The following PRRC2C variants were observed in gnomAD, a reference collection of about 807,000 sequenced individuals.
The protein encoded by PRRC2C is proline rich coiled-coil 2C.
PRRC2C carries 72 observed loss-of-function variants against 317.2 expected under a neutral mutation model. The ratio of observed to expected loss-of-function variants is 0.23; its 90% CI spans 0.19 to 0.28. The LOEUF (loss-of-function observed/expected upper bound fraction) is 0.28, where lower values mean the gene tolerates loss of function less well. Among genes scored for constraint, PRRC2C ranks in the 10% least tolerant of loss-of-function variants. The pLI, the probability that PRRC2C is intolerant of heterozygous loss-of-function variation, is 1.00. For missense variants in PRRC2C, 3,074 were observed against 3,459.7 expected, an observed-to-expected ratio of 0.89 and a Z score of 2.80; for synonymous variants, 1,296 against 1,205.9, an observed-to-expected ratio of 1.07 and a Z score of -1.55.
At chr1:171,497,168 A>C (rs1417609823) in intron 1 of PRRC2C, among the ~76,000 whole-genome samples, 2 of 152,162 alleles carry the variant, frequency 1.3e-5, no homozygotes, top group South Asian at 4.1e-4. Context: ...CTATATTGTA[A>C]TGCAGTATGT....
intron 1 of PRRC2C, chr1:171,511,811 A>G (rs1455765633): frequency 8.9e-6 from 2 of 225,832 alleles, no homozygotes; most frequent in African/African-American, 2.3e-5. Context: ...CTTATTCTCT[A>G]TGATAGAGTT....
chr1:171,545,617 C>T lies in PRRC2C; in HGVS notation c.4902C>T (p.Pro1634=), dbSNP rs781550160. 5.6e-6 allele frequency: 9 copies of T among 1,612,794 alleles called. No homozygotes were observed. Among genetic ancestry groups the T allele is most frequent in the Middle Eastern group, 1.7e-4 (1 of 6,054 alleles). The part of the protein sequence containing the change: ...KDSTGKKRED[P]KPGPKKPKEK... The stretch of plus-strand genomic sequence containing the variant: ...CTACTGGGAAAAAAAGAGAAGACCC[C>T]AAACCAGGCCCTAAAAAACCAAAAG... Residue 1634 remains proline (P), a synonymous_variant, in exon 17 of 35, where the codon CCC becomes CCT. Coordinates refer to ENST00000647382, the MANE Select transcript of PRRC2C (RefSeq NM_001387844.1).
intron 15 of PRRC2C, among the ~76,000 whole-genome samples, chr1:171,539,205 T>C (rs1557948368): frequency 6.6e-6 from 1 of 152,160 alleles, no homozygotes; most frequent in Non-Finnish European, 1.5e-5. Context: ...TTCTCCATGT[T>C]GGTCAGGCTG....
intron 18 of PRRC2C, among the ~76,000 whole-genome samples, chr1:171,556,201 A>T: frequency 6.6e-6 from 1 of 152,240 alleles, no homozygotes; most frequent in East Asian, 1.9e-4. Flanking sequence ...AGCAGTGAGC[A>T]AGGCTCTATG....
chr1:171,561,258 G>A lies in PRRC2C; in HGVS notation c.6117+155G>A, dbSNP rs148755472. On this transcript the variant is annotated intron_variant, in intron 20 of 34. Coordinates refer to ENST00000647382, the MANE Select transcript of PRRC2C (RefSeq NM_001387844.1). The stretch of plus-strand genomic sequence containing the variant: ...CAGCCTGGGCAACATAGTGAGACCC[G>A]CCTGGGCAATGTAGGAAGACCCTGT... 2.2e-3 allele frequency among the ~76,000 whole-genome samples: 337 copies of A among 152,096 alleles called. 1 individual carries two copies. The highest frequency in any genetic ancestry group is 7.9e-3 in the African/African-American group (326 of 41,474).
At chr1:171,555,335 A>G (rs1681172102) in intron 18 of PRRC2C, among the ~76,000 whole-genome samples, 3 of 152,064 alleles carry the variant, frequency 2.0e-5, no homozygotes, top group Admixed American at 6.5e-5. Context: ...GGTCTTTTCT[A>G]CACTGTTTAT....
intron 3 of PRRC2C, among the ~76,000 whole-genome samples, chr1:171,514,118 G>A (rs4916392): frequency 0.81 from 122,966 of 152,186 alleles, 49,797 homozygotes; most frequent in Middle Eastern, 0.9. Flanking sequence ...TTGACTGCCA[G>A]GTGGGGAGTT....
In PRRC2C at chr1:171,579,356, C is replaced by G; in HGVS notation, c.7162C>G (p.Gln2388Glu). 1 of 1,613,358 alleles carries G rather than the reference C, an allele frequency of 6.2e-7. No homozygotes were observed. The highest frequency in any genetic ancestry group is 8.5e-7 in the Non-Finnish European group (1 of 1,179,534). ...QVYVSQSAAA[Q>E]IPAFYMDTSH... The stretch of plus-strand genomic sequence containing the variant: ...TTGTTTATCCTGATGGTCTACAGCT[C>G]AAATCCCAGCCTTCTATATGGACAC... Residue 2388 changes from glutamine to glutamate, a missense_variant and splice_region_variant, in exon 27 of 35, where the codon CAA (glutamine) becomes GAA (glutamate). Coordinates refer to ENST00000647382, the MANE Select transcript of PRRC2C (RefSeq NM_001387844.1).
At chr1:171,499,540 C>T (rs1668712720) in intron 1 of PRRC2C, among the ~76,000 whole-genome samples, 1 of 152,154 alleles carries the variant, frequency 6.6e-6, no homozygotes, top group African/African-American at 2.4e-5. Flanking sequence ...CCTGTAATCT[C>T]AGCACTTTGG....
rs1042528640 is a variant in PRRC2C, at chr1:171,577,033, G to T, written c.6956-401G>T. Among the ~76,000 whole-genome samples, 7 of 152,230 alleles carry T rather than the reference G, an allele frequency of 4.6e-5. No individual in the cohort carries two copies. In the South Asian group the frequency reaches 1.5e-3, roughly 32 times the overall value. On this transcript the variant is annotated intron_variant, in intron 25 of 34. Coordinates refer to ENST00000647382, the MANE Select transcript of PRRC2C (RefSeq NM_001387844.1). ...ATGTATATTCATAATTATTTCTAAG[G>T]TATAGCACTTTTCTCTTTTGTGTCC...
At chr1:171,587,791 T>A in intron 32 of PRRC2C, 40 bp downstream of exon 32, 2 of 1,445,452 alleles carry the variant, frequency 1.4e-6, no homozygotes, top group Non-Finnish European at 1.9e-6. Context: ...AATTCCAATT[T>A]GGTCACTATT....
chr1:171,515,649 G>T lies in PRRC2C; in HGVS notation c.401-85G>T, dbSNP rs1323409531. ...AATGTGGAATAATTTAAGAGAAAGA[G>T]GCAGAGAGCTCTATCCTGGGAGGGT... On this transcript the variant is annotated intron_variant, in intron 4 of 34. Coordinates refer to ENST00000647382, the MANE Select transcript of PRRC2C (RefSeq NM_001387844.1). 7.1e-6 allele frequency: 8 copies of T among 1,126,648 alleles called. No homozygotes were observed. In the East Asian group the frequency reaches 2.1e-4, roughly 30 times the overall value. The allele number at this position is 1,126,648 out of a possible 1,614,324, so 69.8% of individuals were successfully genotyped here. A position where few individuals can be genotyped will look rare whatever the true frequency, so the allele number is the denominator to read the frequency against.
At chr1:171,538,675 T>A (rs962489660) in intron 15 of PRRC2C, among the ~76,000 whole-genome samples, 17 of 152,348 alleles carry the variant, frequency 1.1e-4, no homozygotes, top group Admixed American at 6.5e-4. Flanking sequence ...TTAACTTTGT[T>A]TTTCCTTAAG....
At chr1:171,527,672 C>G in intron 10 of PRRC2C, 119 bp from the exon 11 acceptor site, 1 of 741,242 alleles carries the variant, frequency 1.3e-6, no homozygotes, top group African/African-American at 1.8e-5. Flanking sequence ...ATGAGAATTG[C>G]TTGGCCCCGG....
At chr1:171,560,963 A>G in intron 19 of PRRC2C, 55 bp from the exon 20 acceptor site, 1 of 1,377,296 alleles carries the variant, frequency 7.3e-7, no homozygotes, top group East Asian at 2.3e-5. Flanking sequence ...TAAATGGGTT[A>G]GAGATTATTA....
intron 11 of PRRC2C, among the ~76,000 whole-genome samples, chr1:171,529,797 A>G (rs1675426741): frequency 6.6e-6 from 1 of 152,054 alleles, no homozygotes; most frequent in Non-Finnish European, 1.5e-5. Flanking sequence ...TTCTAATTTC[A>G]TCTGCTGTTC....
intron 2 of PRRC2C, chr1:171,512,425 G>A (rs1266898578): frequency 5.0e-6 from 2 of 398,820 alleles, no homozygotes; most frequent in African/African-American, 2.1e-5. Flanking sequence ...GTTTTTCTCT[G>A]TTGTCAGCAG....
chr1:171,538,843 T>C (rs1245818477), intron 15 of PRRC2C, among the ~76,000 whole-genome samples: 1 of 151,704 alleles, frequency 6.6e-6, no homozygotes, highest in Non-Finnish European at 1.5e-5. Flanking sequence ...TCCTGAGTAG[T>C]TGGACTACAG....
chr1:171,550,126 T>G lies in PRRC2C; in HGVS notation c.5013T>G (p.Ile1671Met), dbSNP rs745824748. ...ATGATCATCCTGAAGTAACAGTAAT[T>G]GAAGATCCCCAGTCAAATTTGAATG... Reference protein sequence around the residue: ...IIDDHPEVTVIEDPQSNLNDD... With the variant: ...IIDDHPEVTVMEDPQSNLNDD... The change falls in exon 18 of 35, where the codon ATT becomes ATG. Residue 1671 changes from isoleucine (I) to methionine (M), a missense_variant. By Grantham distance (10) the Ile-to-Met change is conservative. This residue lies in a region of PRRC2C where 640 missense variants were observed against 676.1 expected (regional missense o/e 0.95). Coordinates refer to ENST00000647382, the MANE Select transcript of PRRC2C (RefSeq NM_001387844.1). 4.4e-6 allele frequency: 7 copies of G among 1,608,532 alleles called. No homozygotes were observed. The highest frequency in any genetic ancestry group is 5.9e-6 in the Non-Finnish European group (7 of 1,177,210).
Sources: allele counts gnomAD v4.1 joint callset (sites outside exome capture counted in the v4.1 genomes callset), GRCh38; gene constraint gnomAD v4.1.1; regional missense constraint gnomAD v4.1.1; transcripts MANE v1.5; gene names NCBI Gene and HGNC (gene_info 2026-07-23, HGNC 2026-07-21).